The following SNX29 variants were observed in gnomAD, a reference collection of about 807,000 sequenced individuals.
The protein encoded by SNX29 is sorting nexin 29, also known as sorting nexin-29.
Under a neutral mutation model 102.1 loss-of-function variants are expected in SNX29, and 78 were observed. The ratio of observed to expected loss-of-function variants is 0.76; its 90% CI spans 0.64 to 0.92. The LOEUF is 0.92. Among genes scored for constraint, SNX29 ranks in the 40% least tolerant of loss-of-function variants. SNX29 has a pLI of 0.00. For synonymous variants in SNX29, 580 were observed against 414.5 expected (o/e 1.40, Z -4.85); for missense variants, 1,280 against 1,061.7 (o/e 1.21, Z -2.86).
rs552039896 is a variant in SNX29, at chr16:12,021,198, A to G, written c.123-6122A>G. 3.9e-3 allele frequency among the ~76,000 whole-genome samples: 591 copies of G among 152,276 alleles called. 3 individuals are homozygous for G. The highest frequency in any genetic ancestry group is 0.014 in the Middle Eastern group (4 of 294). Reference sequence around the variant, plus strand: ...TCCCAGCACTTTGGGAGGCTGAGGCAGGCGGATCACAATTCAGGAGTTCGA... The same window carrying G: ...TCCCAGCACTTTGGGAGGCTGAGGCGGGCGGATCACAATTCAGGAGTTCGA... On this transcript the variant is annotated intron_variant, in intron 3 of 20. Coordinates refer to ENST00000566228, the MANE Select transcript of SNX29 (RefSeq NM_032167.5).
intron 14 of SNX29, among the ~76,000 whole-genome samples, chr16:12,262,838 G>A (rs1410675900): frequency 6.6e-6 from 1 of 152,176 alleles, no homozygotes; most frequent in Non-Finnish European, 1.5e-5. Flanking sequence ...ACAGAGTTGT[G>A]CAACCATCAC....
chr16:12,334,753 T>C (rs2081396090), intron 15 of SNX29, among the ~76,000 whole-genome samples: 1 of 152,116 alleles, frequency 6.6e-6, no homozygotes, highest in Admixed American at 6.5e-5. Context: ...CACTTGGGGC[T>C]CAGTAGTGGT....
chr16:12,017,914 T>C (rs901108934), intron 3 of SNX29, among the ~76,000 whole-genome samples: 7 of 151,932 alleles, frequency 4.6e-5, no homozygotes, highest in African/African-American at 1.7e-4. Flanking sequence ...TTTTGTTTTG[T>C]TCTTTTTTTT....
intron 15 of SNX29, among the ~76,000 whole-genome samples, chr16:12,336,898 A>G (rs1320113240): frequency 1.3e-5 from 2 of 152,196 alleles, no homozygotes; most frequent in Non-Finnish European, 2.9e-5. Flanking sequence ...GTGAGCTATG[A>G]TGGTGCCACC....
At chr16:12,329,408 C>G (rs975078514) in intron 15 of SNX29, among the ~76,000 whole-genome samples, 4 of 152,074 alleles carry the variant, frequency 2.6e-5, no homozygotes, top group African/African-American at 9.7e-5. Flanking sequence ...CAGTTGAACT[C>G]TCCACAGGCA....
chr16:11,992,487 C>A (rs1473427190), intron 1 of SNX29, among the ~76,000 whole-genome samples: 1 of 152,104 alleles, frequency 6.6e-6, no homozygotes, highest in Non-Finnish European at 1.5e-5. Context: ...CCCCTACCAC[C>A]CCAGCCCCTG....
intron 10 of SNX29, 92 bp from the exon 11 acceptor site, chr16:12,078,741 C>G: frequency 9.7e-7 from 1 of 1,031,078 alleles, no homozygotes; most frequent in Non-Finnish European, 1.5e-6. Flanking sequence ...GTAGAGGTAC[C>G]GGAGTAAACC....
intron 15 of SNX29, among the ~76,000 whole-genome samples, chr16:12,285,947 C>A (rs1008512876): frequency 6.6e-6 from 1 of 152,104 alleles, no homozygotes; most frequent in Non-Finnish European, 1.5e-5. Flanking sequence ...CCTCCGCCTC[C>A]TGGGTTCAAG....
intron 20 of SNX29, among the ~76,000 whole-genome samples, chr16:12,533,327 G>A (rs2076982269): frequency 6.6e-6 from 1 of 152,210 alleles, no homozygotes; most frequent in South Asian, 2.1e-4. Context: ...GCTGGTACCT[G>A]TGGCCCTGTG....
At chr16:12,081,258 A>G (rs1361120886) in intron 11 of SNX29, 1 of 152,212 alleles carries the variant, frequency 6.6e-6, no homozygotes, top group African/African-American at 2.4e-5. Context: ...CAGTCTTCAT[A>G]CTGCTGGGAA....
At chr16:12,444,928 T>C (rs1023220440) in intron 18 of SNX29, among the ~76,000 whole-genome samples, 3 of 148,858 alleles carry the variant, frequency 2.0e-5, no homozygotes, top group Non-Finnish European at 4.4e-5. Context: ...CTCAGCTCAC[T>C]GCAACCCCTG....
chr16:12,387,352 A>G lies in SNX29; in HGVS notation c.1900-11094A>G, dbSNP rs114718655. Among the ~76,000 whole-genome samples the G allele has an allele frequency of 2.4e-3, 366 of 152,044 alleles. 1 individual carries two copies. Among genetic ancestry groups the G allele is most frequent in the African/African-American group, 8.3e-3 (343 of 41,486 alleles). ...CCCATTCTTCCCAGGGCTGCAGTCT[A>G]CTGGTCTACTTGGGATAGCACTCGA... On this transcript the variant is annotated intron_variant, in intron 16 of 20. Coordinates refer to ENST00000566228, the MANE Select transcript of SNX29 (RefSeq NM_032167.5).
chr16:12,240,039 G>A (rs976362167), intron 14 of SNX29, among the ~76,000 whole-genome samples: 14 of 152,068 alleles, frequency 9.2e-5, no homozygotes, highest in South Asian at 2.1e-4. Flanking sequence ...GCATTCTCTC[G>A]TTTCACTTGG....
At chr16:12,003,225 C>T (rs1217631041) in intron 3 of SNX29, among the ~76,000 whole-genome samples, 182 bp downstream of exon 3, 2 of 152,104 alleles carry the variant, frequency 1.3e-5, no homozygotes, top group Non-Finnish European at 2.9e-5. Flanking sequence ...GGACTCTGTG[C>T]GGTGACTGCT....
chr16:12,169,585 C>T (rs1453915762), intron 13 of SNX29, among the ~76,000 whole-genome samples: 9 of 152,098 alleles, frequency 5.9e-5, no homozygotes, highest in East Asian at 1.9e-4. Flanking sequence ...CATGGCCAGG[C>T]GTTGTGGCTC....
At chr16:12,027,633 G>T in intron 4 of SNX29, 189 bp downstream of exon 4, 1 of 629,078 alleles carries the variant, frequency 1.6e-6, no homozygotes, top group Non-Finnish European at 2.5e-6. Flanking sequence ...TAATTTAAAT[G>T]AAGTCATCTT....
At chr16:12,295,003 T>C (rs1415709756) in intron 15 of SNX29, among the ~76,000 whole-genome samples, 2 of 152,098 alleles carry the variant, frequency 1.3e-5, no homozygotes, top group East Asian at 3.9e-4. Flanking sequence ...AAAGAGAGAA[T>C]GAGAACCAAG....
chr16:12,037,571 C>T (rs576091668), intron 4 of SNX29, among the ~76,000 whole-genome samples: 349 of 152,192 alleles, frequency 2.3e-3, no homozygotes, highest in Non-Finnish European at 2.9e-3. Context: ...TAGCTGTCCA[C>T]CCCTGCAGTA....
chr16:12,347,388 G>T (rs1335119762), intron 15 of SNX29, among the ~76,000 whole-genome samples: 1 of 152,032 alleles, frequency 6.6e-6, no homozygotes, highest in Non-Finnish European at 1.5e-5. Flanking sequence ...CCCCACAGCA[G>T]AACCAAAGCA....
Sources: gnomAD v4.1 joint callset for allele counts (sites outside exome capture counted in the v4.1 genomes callset) on GRCh38, gnomAD v4.1.1 for gene constraint, MANE v1.5 for transcripts, NCBI Gene and HGNC (gene_info 2026-07-23, HGNC 2026-07-21) for gene names.